KHDRBS2: variants seen among roughly 807,000 people sequenced by gnomAD.
The protein encoded by KHDRBS2 is KH domain-containing, RNA-binding, signal transduction-associated protein 2.
In KHDRBS2, 26 loss-of-function variants were observed where a neutral mutation model predicts 44.3. That is an observed-to-expected ratio of 0.59 (90% CI 0.43 to 0.81). KHDRBS2 has a LOEUF of 0.81. KHDRBS2 is among the 40% of genes least tolerant of loss of function. KHDRBS2 has a pLI of 0.00. For missense variants in KHDRBS2, 476 were observed against 433.1 expected (o/e 1.10, Z -0.88); for synonymous variants, 194 against 151.1 (o/e 1.28, Z -2.08).
intron 3 of KHDRBS2, among the ~76,000 whole-genome samples, chr6:62,038,761 G>T (rs1454386404): frequency 2.6e-5 from 4 of 151,896 alleles, no homozygotes; most frequent in Non-Finnish European, 4.4e-5. Context: ...TTATATTGGG[G>T]TCATTTCAAC....
At chr6:62,129,714 A>T (rs1809819570) in intron 2 of KHDRBS2, among the ~76,000 whole-genome samples, 1 of 152,110 alleles carries the variant, frequency 6.6e-6, no homozygotes, top group South Asian at 2.1e-4. Context: ...AAATAGCATT[A>T]AAATTTTTTT....
the KHDRBS2 span, among the ~76,000 whole-genome samples, chr6:61,587,912 C>A: frequency 6.6e-6 from 1 of 152,178 alleles, no homozygotes; most frequent in South Asian, 2.1e-4. Context: ...CGGTAGACAT[C>A]TTTCCCATGT....
chr6:61,687,210 G>A (rs1253393203), intron 8 of KHDRBS2, among the ~76,000 whole-genome samples: 1 of 151,720 alleles, frequency 6.6e-6, no homozygotes, highest in Admixed American at 6.6e-5. Context: ...AAGAAAAAGG[G>A]TTGCTAACTT....
chr6:61,944,042 A>G (rs560820154), intron 4 of KHDRBS2, among the ~76,000 whole-genome samples: 62 of 152,132 alleles, frequency 4.1e-4, no homozygotes, highest in Non-Finnish European at 7.4e-4. Context: ...TGTGGAGAAG[A>G]GGGAACACTT....
intron 6 of KHDRBS2, among the ~76,000 whole-genome samples, chr6:61,877,125 C>T (rs767839380): frequency 2.0e-5 from 3 of 151,930 alleles, no homozygotes; most frequent in Non-Finnish European, 2.9e-5. Context: ...GACTACATTG[C>T]CCACAGAGCT....
chr6:61,617,069 G>T, the KHDRBS2 span, among the ~76,000 whole-genome samples: 2 of 152,140 alleles, frequency 1.3e-5, no homozygotes, highest in African/African-American at 4.8e-5. Flanking sequence ...CAAGAGAAAT[G>T]AGGATGTAGA....
chr6:61,890,784 G>GTT (rs112875382), intron 6 of KHDRBS2, among the ~76,000 whole-genome samples: 2 of 151,948 alleles, frequency 1.3e-5, no homozygotes, highest in Non-Finnish European at 2.9e-5. Context: ...TAGTCCCTGA[G>GTT]TTTTTTTTGA....
the KHDRBS2 span, among the ~76,000 whole-genome samples, chr6:61,573,859 A>T: frequency 6.3e-4 from 92 of 146,962 alleles, no homozygotes; most frequent in Admixed American, 1.4e-3. Context: ...AAAAGAACAA[A>T]CCTGGAAGTA....
chr6:61,647,593 G>T, the KHDRBS2 span, among the ~76,000 whole-genome samples: 6 of 152,030 alleles, frequency 3.9e-5, no homozygotes, highest in African/African-American at 1.4e-4. Context: ...CTGAAATCAG[G>T]CGCTTCTCAT....
intron 6 of KHDRBS2, among the ~76,000 whole-genome samples, chr6:61,829,318 C>G (rs535409752): frequency 6.6e-6 from 1 of 152,244 alleles, no homozygotes; most frequent in Admixed American, 6.5e-5. Flanking sequence ...CCCACCGCCA[C>G]GCTCAGCTAA....
chr6:61,780,101 C>T (rs933597273), intron 6 of KHDRBS2, among the ~76,000 whole-genome samples: 1 of 152,114 alleles, frequency 6.6e-6, no homozygotes, highest in African/African-American at 2.4e-5. Context: ...TTTCTTTTAA[C>T]CAATAACTTA....
intron 4 of KHDRBS2, among the ~76,000 whole-genome samples, chr6:61,967,439 A>G (rs1440112057): frequency 6.6e-6 from 1 of 151,942 alleles, no homozygotes; most frequent in African/African-American, 2.4e-5. Flanking sequence ...AGATGGATAG[A>G]TTGATAGATT....
At chr6:61,812,468 G>A (rs2127237274) in intron 6 of KHDRBS2, among the ~76,000 whole-genome samples, 2 of 152,026 alleles carry the variant, frequency 1.3e-5, no homozygotes, top group East Asian at 3.9e-4. Flanking sequence ...AACAACCCAG[G>A]AGGAAACTAA....
At chr6:61,651,938 A>G in the KHDRBS2 span, among the ~76,000 whole-genome samples, 4 of 152,088 alleles carry the variant, frequency 2.6e-5, no homozygotes, top group Admixed American at 2.6e-4. Context: ...ATATTCATAG[A>G]TTTCATTTGT....
intron 6 of KHDRBS2, among the ~76,000 whole-genome samples, chr6:61,735,689 T>G (rs1775214379): frequency 6.6e-6 from 1 of 152,158 alleles, no homozygotes; most frequent in African/African-American, 2.4e-5. Context: ...ATAATTACAT[T>G]CAGATTTAAT....
the KHDRBS2 span, among the ~76,000 whole-genome samples, chr6:61,547,522 G>C: frequency 6.6e-6 from 1 of 152,080 alleles, no homozygotes; most frequent in East Asian, 1.9e-4. Flanking sequence ...CCCAGGATAA[G>C]TAGACTCCTT....
intron 7 of KHDRBS2, among the ~76,000 whole-genome samples, chr6:61,711,622 T>C (rs1770527956): frequency 6.6e-6 from 1 of 151,844 alleles, no homozygotes; most frequent in Admixed American, 6.6e-5. Context: ...TCAGATTATG[T>C]TGAAGGACTT....
the KHDRBS2 span, among the ~76,000 whole-genome samples, chr6:61,637,035 T>C: frequency 1.3e-5 from 2 of 152,194 alleles, no homozygotes; most frequent in South Asian, 4.1e-4. Context: ...TTTCTTTTTT[T>C]ATTTATTATT....
chr6:61,945,307 T>A (rs1331951701), intron 4 of KHDRBS2, among the ~76,000 whole-genome samples: 1 of 150,882 alleles, frequency 6.6e-6, no homozygotes, highest in Non-Finnish European at 1.5e-5. Flanking sequence ...CTTATTTAGA[T>A]CATTTATGAA....
Sources: gnomAD v4.1 joint callset for allele counts (sites outside exome capture counted in the v4.1 genomes callset) on GRCh38, gnomAD v4.1.1 for gene constraint, MANE v1.5 for transcripts, NCBI Gene and HGNC (gene_info 2026-07-23, HGNC 2026-07-21) for gene names.